Variants in KCNIP1 observed in about 807,000 individuals in gnomAD.
KCNIP1 encodes the protein A-type potassium channel modulatory protein KCNIP1.
KCNIP1 carries 18 observed loss-of-function variants against 33.0 expected under a neutral mutation model. The ratio of observed to expected loss-of-function variants is 0.55; its 90% CI spans 0.38 to 0.81. KCNIP1 has a LOEUF of 0.81. KCNIP1 is among the 30% of genes least tolerant of loss of function. The pLI is 0.00. For synonymous variants in KCNIP1, 93 were observed against 98.3 expected, an observed-to-expected ratio of 0.95 and a Z score of 0.32; for missense variants, 238 against 271.6, an observed-to-expected ratio of 0.88 and a Z score of 0.87.
intron 1 of KCNIP1, among the ~76,000 whole-genome samples, chr5:170,360,467 G>T (rs912626364): frequency 6.6e-6 from 1 of 152,128 alleles, no homozygotes; most frequent in Non-Finnish European, 1.5e-5. Context: ...CATGTGACAG[G>T]CACAGGACCT....
chr5:170,634,168 A>G (rs1581425143), intron 1 of KCNIP1, among the ~76,000 whole-genome samples: 1 of 152,092 alleles, frequency 6.6e-6, no homozygotes, highest in Admixed American at 6.5e-5. Context: ...TGGAGTCACC[A>G]CTAACTTAGA....
intron 1 of KCNIP1, among the ~76,000 whole-genome samples, chr5:170,645,840 T>A (rs150449147): frequency 6.6e-6 from 1 of 152,226 alleles, no homozygotes; most frequent in African/African-American, 2.4e-5. Flanking sequence ...CCCAAAATAC[T>A]TGGAGATTAA....
chr5:170,420,799 C>A (rs1023894189), intron 1 of KCNIP1, among the ~76,000 whole-genome samples: 1 of 151,234 alleles, frequency 6.6e-6, no homozygotes, highest in Non-Finnish European at 1.5e-5. Flanking sequence ...TGAAATACTG[C>A]GTCTTCTTCT....
At chr5:170,717,984 T>G (rs1180054373) in intron 1 of KCNIP1, among the ~76,000 whole-genome samples, 1 of 152,204 alleles carries the variant, frequency 6.6e-6, no homozygotes, top group Non-Finnish European at 1.5e-5. Context: ...CGTTGAAAAT[T>G]CCACGGACTT....
chr5:170,451,206 T>C (rs1756241247), intron 1 of KCNIP1, among the ~76,000 whole-genome samples: 1 of 152,150 alleles, frequency 6.6e-6, no homozygotes, highest in Non-Finnish European at 1.5e-5. Context: ...ACAAGAACAT[T>C]GTCTAAACCA....
At chr5:170,647,298 CAA>C (rs2113712830) in intron 1 of KCNIP1, among the ~76,000 whole-genome samples, 1 of 152,070 alleles carries the variant, frequency 6.6e-6, no homozygotes, top group African/African-American at 2.4e-5. Flanking sequence ...CAGAGAGAGG[CAA>C]AGACTCAGAA....
At chr5:170,585,468 C>T (rs1186852192) in intron 1 of KCNIP1, among the ~76,000 whole-genome samples, 1 of 152,172 alleles carries the variant, frequency 6.6e-6, no homozygotes, top group Non-Finnish European at 1.5e-5. Context: ...CCCAGCCTCT[C>T]AGCCCCACTC....
rs374364655 is a variant in KCNIP1 at position 170,650,296 on chromosome 5, C to T, written c.62-68462C>T. Among the ~76,000 whole-genome samples the T allele has an allele frequency of 3.9e-5, 6 of 152,162 alleles. No individual in the cohort carries two copies. The East Asian group carries it at 1.2e-3, about 29-fold the overall frequency. ...ATATAACTATCACCCCCCAAAGTTT[C>T]TTCATGTCCTTTTTAATCCCACCTT... On this transcript the variant is annotated intron_variant, in intron 1 of 7. Transcript: ENST00000328939.
chr5:170,355,747 T>C (rs375552054), intron 1 of KCNIP1, among the ~76,000 whole-genome samples: 4 of 152,310 alleles, frequency 2.6e-5, no homozygotes, highest in East Asian at 3.9e-4. Flanking sequence ...AGAGTCAGAA[T>C]GCCTCCCTCT....
Position 170,735,797 on chromosome 5 carries a change from T to C in KCNIP1, c.642T>C (p.Asn214=), listed in dbSNP as rs774322177. Reference sequence around the variant, plus strand: ...TGAGGTCTCTCCAGCTGTTTCAAAATGTCATGTAACTGGTGACACTCAGCC... The same window carrying C: ...TGAGGTCTCTCCAGCTGTTTCAAAACGTCATGTAACTGGTGACACTCAGCC... ...NIMRSLQLFQ[N]VM The change falls in exon 8 of 8, where the codon AAT becomes AAC. Residue 214 remains asparagine (N), a synonymous_variant. Coordinates refer to ENST00000328939, the MANE Select transcript of KCNIP1 (RefSeq NM_014592.4). The C allele has an allele frequency of 1.2e-5, 19 of 1,613,934 alleles. No homozygotes were observed. Among genetic ancestry groups the C allele is most frequent in the East Asian group, 2.2e-5 (1 of 44,900 alleles).
rs527662141 is a variant in KCNIP1, at chr5:170,529,904, C to A, written c.61+25271C>A. ...TGTCTCCCCACTTCACCCTTCCAGG[C>A]CTTTCTTCTTGTTGGACTCTAGACT... On this transcript the variant is annotated intron_variant, in intron 1 of 7. Transcript: ENST00000328939. 7.9e-5 allele frequency among the ~76,000 whole-genome samples: 12 copies of A among 152,276 alleles called. No individual in the cohort carries two copies. The South Asian group carries it at 2.5e-3, about 32-fold the overall frequency.
chr5:170,490,523 T>C (rs1561649122), intron 1 of KCNIP1, among the ~76,000 whole-genome samples: 1 of 152,172 alleles, frequency 6.6e-6, no homozygotes. Flanking sequence ...AAGCAAGGTG[T>C]GTGGACCATG....
At chr5:170,578,586 G>A (rs923232599) in intron 1 of KCNIP1, among the ~76,000 whole-genome samples, 18 of 152,182 alleles carry the variant, frequency 1.2e-4, no homozygotes, top group Non-Finnish European at 2.5e-4. Flanking sequence ...AGCTGGCAGC[G>A]TTTATCTAAG....
intron 5 of KCNIP1, among the ~76,000 whole-genome samples, chr5:170,729,680 A>G (rs1045347210): frequency 3.4e-4 from 52 of 152,094 alleles, no homozygotes; most frequent in African/African-American, 1.2e-3. Flanking sequence ...TTTAAAAACA[A>G]TGAATTATCA....
At chr5:170,450,107 G>A (rs893393161) in intron 1 of KCNIP1, among the ~76,000 whole-genome samples, 2 of 150,570 alleles carry the variant, frequency 1.3e-5, no homozygotes, top group South Asian at 2.1e-4. Flanking sequence ...GGAAAGGATC[G>A]CCCGACCCCC....
At chr5:170,534,308 T>C (rs1755889015) in intron 1 of KCNIP1, among the ~76,000 whole-genome samples, 1 of 152,010 alleles carries the variant, frequency 6.6e-6, no homozygotes, top group Non-Finnish European at 1.5e-5. Flanking sequence ...TTTGTCCCCA[T>C]AGGAACGTAA....
chr5:170,705,945 T>C (rs1311523230), intron 1 of KCNIP1, among the ~76,000 whole-genome samples: 1 of 152,188 alleles, frequency 6.6e-6, no homozygotes, highest in Non-Finnish European at 1.5e-5. Flanking sequence ...ATACCTTATC[T>C]CACTTAGATT....
chr5:170,681,382 G>C (rs1050346899), intron 1 of KCNIP1: 1 of 361,666 alleles, frequency 2.8e-6, no homozygotes, highest in Non-Finnish European at 4.9e-6. Flanking sequence ...AATGTGGTGC[G>C]CCTGGGGAGT....
At chr5:170,514,723 G>A (rs907830973) in intron 1 of KCNIP1, among the ~76,000 whole-genome samples, 3 of 152,208 alleles carry the variant, frequency 2.0e-5, no homozygotes, top group Admixed American at 6.5e-5. Flanking sequence ...TCTCTTGAGT[G>A]TGCCTGTGAG....
Sources: allele counts gnomAD v4.1 joint callset (sites outside exome capture counted in the v4.1 genomes callset), GRCh38; gene constraint gnomAD v4.1.1; transcripts MANE v1.5; gene names NCBI Gene and HGNC (gene_info 2026-07-23, HGNC 2026-07-21).